Variants in CSF2RA observed in about 807,000 individuals in gnomAD.
The protein encoded by CSF2RA is granulocyte-macrophage colony-stimulating factor receptor subunit alpha.
Under a neutral mutation model 51.6 loss-of-function variants are expected in CSF2RA, and 42 were observed. The ratio of observed to expected loss-of-function variants is 0.81; its 90% CI spans 0.64 to 1.05. The LOEUF (loss-of-function observed/expected upper bound fraction) is 1.05, where lower values mean the gene tolerates loss of function less well. Ranked by LOEUF, CSF2RA falls within the 50% of genes least tolerant of loss-of-function variation. The probability of loss-of-function intolerance (pLI) is 0.00; values close to 1 mark genes in which losing one functional copy is unlikely to be tolerated. For missense variants in CSF2RA, 530 were observed against 501.1 expected (o/e 1.06, Z -0.55); for synonymous variants, 222 against 193.0 (o/e 1.15, Z -1.24).
intron 2 of CSF2RA, among the ~76,000 whole-genome samples, chrX:1,279,237 G>A (rs1488568961): frequency 1.3e-5 from 2 of 150,648 alleles, no homozygotes; most frequent in African/African-American, 2.4e-5. Flanking sequence ...TGTAGTCCCA[G>A]CTACTCGGAG....
downstream of CSF2RA, among the ~76,000 whole-genome samples, chrX:1,314,318 C>T (rs1233025706): frequency 1.5e-5 from 2 of 136,338 alleles, no homozygotes; most frequent in East Asian, 2.2e-4. Context: ...CCTGCCCAAC[C>T]ACACTGCACC....
intron 2 of CSF2RA, among the ~76,000 whole-genome samples, chrX:1,280,760 T>A (rs1365008591): frequency 7.1e-6 from 1 of 140,738 alleles, no homozygotes; most frequent in Admixed American, 7.1e-5. Flanking sequence ...TTTTTCTTCT[T>A]CTTCCTTATG....
At chrX:1,305,685 T>C in intron 12 of CSF2RA, 158 bp downstream of exon 12, 2 of 1,573,560 alleles carry the variant, frequency 1.3e-6, no homozygotes, top group Non-Finnish European at 1.7e-6. Flanking sequence ...TCCTGGGCCT[T>C]CTCCCGGGTC....
chrX:1,311,534 A>T (rs768543292), downstream of CSF2RA, among the ~76,000 whole-genome samples: 83 of 151,590 alleles, frequency 5.5e-4, no homozygotes, highest in African/African-American at 2.0e-3. Context: ...CCCCAGTTCA[A>T]GCAATTCCCC....
chrX:1,295,500 C>T (rs756527067), intron 9 of CSF2RA, 44 bp downstream of exon 9: 6 of 1,562,116 alleles, frequency 3.8e-6, no homozygotes, highest in Non-Finnish European at 5.2e-6. Flanking sequence ...CAGCGTAACC[C>T]TACGGTCCCC....
At chrX:1,275,533 G>A (rs1161847346) in intron 2 of CSF2RA, among the ~76,000 whole-genome samples, 3 of 151,800 alleles carry the variant, frequency 2.0e-5, no homozygotes, top group Admixed American at 6.6e-5. Context: ...GTTTTTGTTT[G>A]TTTACTTATT....
intron 2 of CSF2RA, among the ~76,000 whole-genome samples, chrX:1,281,218 TAC>T (rs2090006823): frequency 8.0e-6 from 1 of 124,274 alleles, no homozygotes. Flanking sequence ...CTCCTTCTCC[TAC>T]TCCTCCTTCT....
At chrX:1,307,666 C>CT (rs1487982402) in intron 12 of CSF2RA, among the ~76,000 whole-genome samples, 2 of 147,448 alleles carry the variant, frequency 1.4e-5, no homozygotes, top group Non-Finnish European at 3.0e-5. Context: ...GAGGCCCACC[C>CT]TCCCCTTTAT....
chrX:1,287,032 G>C (rs1454794799), intron 4 of CSF2RA: 1 of 151,946 alleles, frequency 6.6e-6, no homozygotes, highest in Admixed American at 6.6e-5. Context: ...ATAGGTGATA[G>C]ATGATTTATT....
intron 2 of CSF2RA, among the ~76,000 whole-genome samples, chrX:1,281,031 C>T (rs1217717259): frequency 2.4e-5 from 2 of 82,670 alleles, no homozygotes; most frequent in Non-Finnish European, 2.7e-5. Flanking sequence ...CCTTCTCCTC[C>T]TCCTCATTCT....
chrX:1,310,912 T>C (rs28733772), downstream of CSF2RA, among the ~76,000 whole-genome samples: 55,069 of 151,616 alleles, frequency 0.36, 14,364 homozygotes, highest in African/African-American at 0.73. Flanking sequence ...TAGTAATGAG[T>C]GAGTTCTTTC....
chrX:1,291,088 A>T (rs1171026219), intron 7 of CSF2RA, among the ~76,000 whole-genome samples: 7 of 151,782 alleles, frequency 4.6e-5, no homozygotes, highest in Non-Finnish European at 1.0e-4. Context: ...CGCTCGGCTA[A>T]TTTTTGTATT....
chrX:1,274,243 C>T (rs1398529938), intron 1 of CSF2RA, among the ~76,000 whole-genome samples: 1 of 151,970 alleles, frequency 6.6e-6, no homozygotes, highest in African/African-American at 2.4e-5. Context: ...GGACGCCTGC[C>T]CATGACAGAG....
downstream of CSF2RA, among the ~76,000 whole-genome samples, chrX:1,314,326 A>ATCTGCCCAACCACTCTGTG (rs2084347645): frequency 1.6e-5 from 2 of 124,206 alleles, no homozygotes; most frequent in Admixed American, 8.2e-5. Context: ...ACCACACTGC[A>ATCTGCCCAACCACTCTGTG]CCTGCCCAAC....
intron 7 of CSF2RA, among the ~76,000 whole-genome samples, chrX:1,292,743 G>A: frequency 6.6e-6 from 1 of 152,126 alleles, no homozygotes; most frequent in East Asian, 1.9e-4. Flanking sequence ...TGTACGATCG[G>A]GTTTTACACG....
At chrX:1,302,573 C>G (rs1293588114) in intron 10 of CSF2RA, among the ~76,000 whole-genome samples, 4 of 151,532 alleles carry the variant, frequency 2.6e-5, no homozygotes, top group South Asian at 2.1e-4. Flanking sequence ...GGCACGATCT[C>G]AGCTCACTAC....
the CSF2RA span, among the ~76,000 whole-genome samples, chrX:1,325,036 G>C: frequency 6.6e-6 from 1 of 151,898 alleles, no homozygotes; most frequent in Non-Finnish European, 1.5e-5. Flanking sequence ...AGGTTTTCCA[G>C]AGAGGTGTAC....
intron 9 of CSF2RA, among the ~76,000 whole-genome samples, chrX:1,299,384 A>C (rs1265301119): frequency 3.9e-5 from 6 of 152,084 alleles, no homozygotes; most frequent in Non-Finnish European, 7.4e-5. Flanking sequence ...ATCCGTCTGA[A>C]GGTCTGTTAA....
Position 1,308,709 on chromosome X carries a change from C to A in CSF2RA, c.1126-693C>A, listed in dbSNP as rs185139612. On this transcript the variant is annotated intron_variant, in intron 12 of 12. Coordinates refer to ENST00000381529, the MANE Select transcript of CSF2RA (RefSeq NM_172245.4). ...CCTTCCACCCCCACGCCAGCCTCCT[C>A]CCCGGCCCCCGCTTTCCACTGACCC... Among the ~76,000 whole-genome samples the A allele has an allele frequency of 2.4e-3, 368 of 152,270 alleles. 2 individuals are homozygous for A. Among genetic ancestry groups the A allele is most frequent in the African/African-American group, 8.0e-3 (333 of 41,574 alleles).
Sources: allele counts gnomAD v4.1 joint callset (sites outside exome capture counted in the v4.1 genomes callset), GRCh38; gene constraint gnomAD v4.1.1; transcripts MANE v1.5; gene names NCBI Gene and HGNC (gene_info 2026-07-23, HGNC 2026-07-21).